Variants in KIAA0825 observed in about 807,000 individuals in gnomAD.
The protein encoded by KIAA0825 is uncharacterized protein KIAA0825.
KIAA0825 carries 119 observed loss-of-function variants against 147.6 expected under a neutral mutation model. The ratio of observed to expected loss-of-function variants is 0.81; its 90% CI spans 0.69 to 0.94. The LOEUF is 0.94. Ranked by LOEUF, KIAA0825 falls within the 40% of genes least tolerant of loss-of-function variation. The pLI, the probability that KIAA0825 is intolerant of heterozygous loss-of-function variation, is 0.00. For missense variants in KIAA0825, 1,381 were observed against 1,472.7 expected, an observed-to-expected ratio of 0.94 and a Z score of 1.02; for synonymous variants, 470 against 518.1, an observed-to-expected ratio of 0.91 and a Z score of 1.26.
At chr5:94,423,243 T>C (rs1194510902) in intron 14 of KIAA0825, among the ~76,000 whole-genome samples, 1 of 152,198 alleles carries the variant, frequency 6.6e-6, no homozygotes, top group Non-Finnish European at 1.5e-5. Flanking sequence ...AGCCACATAT[T>C]TAAGGTCACA....
In KIAA0825 at chr5:94,391,694, A is replaced by G. The variant is rs1190249847; in HGVS notation, c.3297T>C (p.Cys1099=). The G allele has an allele frequency of 6.5e-7, 1 of 1,530,758 alleles. No individual in the cohort carries two copies. Among genetic ancestry groups the G allele is most frequent in the Middle Eastern group, 1.7e-4 (1 of 5,856 alleles). The allele number at this position is 1,530,758 out of a possible 1,614,324, so 94.8% of individuals were successfully genotyped here. A position where few individuals can be genotyped will look rare whatever the true frequency, so the allele number is the denominator to read the frequency against. ...TGCTTTTCTCTATTGTCATAAATGC[A>G]CTAAATACAAAGAAAGCATATACAT... is the stretch of plus-strand genomic sequence containing the variant. ...LLKARKLSTE[C]AFMTIEKSTA... The change falls in exon 18 of 21, where the codon TGT becomes TGC. Residue 1099 remains cysteine, a splice_region_variant and synonymous_variant. Coordinates refer to ENST00000682413, the MANE Select transcript of KIAA0825 (RefSeq NM_001145678.3).
intron 3 of KIAA0825, among the ~76,000 whole-genome samples, chr5:94,525,590 T>G (rs536959235): frequency 1.3e-5 from 2 of 152,082 alleles, no homozygotes; most frequent in East Asian, 3.9e-4. Flanking sequence ...AGCACTTCTA[T>G]GGACAGAGAA....
At chr5:94,196,738 C>A (rs986327287) in intron 20 of KIAA0825, among the ~76,000 whole-genome samples, 5 of 152,096 alleles carry the variant, frequency 3.3e-5, no homozygotes, top group African/African-American at 1.2e-4. Flanking sequence ...TTTGTTCCTG[C>A]ATTAATTTAC....
At chr5:94,463,784 G>T (rs1760123436) in intron 11 of KIAA0825, among the ~76,000 whole-genome samples, 1 of 151,118 alleles carries the variant, frequency 6.6e-6, no homozygotes, top group Non-Finnish European at 1.5e-5. Context: ...TATTTCATGA[G>T]GTAACAGTAA....
intron 10 of KIAA0825, among the ~76,000 whole-genome samples, chr5:94,466,290 C>G (rs1213778533): frequency 6.6e-6 from 1 of 152,114 alleles, no homozygotes; most frequent in Non-Finnish European, 1.5e-5. Context: ...TATTATCTAC[C>G]GACTTTCAAA....
chr5:94,610,761 C>G (rs1428618943), intron 1 of KIAA0825, among the ~76,000 whole-genome samples: 1 of 75,204 alleles, frequency 1.3e-5, no homozygotes, highest in Non-Finnish European at 2.3e-5. Context: ...GAGACTCTAT[C>G]TGCAAAAAAA....
intron 15 of KIAA0825, among the ~76,000 whole-genome samples, chr5:94,412,062 A>G (rs1752839987): frequency 6.6e-6 from 1 of 152,218 alleles, no homozygotes. Context: ...TTTTATCAAT[A>G]TATGTATAAA....
At chr5:94,458,233 T>A (rs571777449) in intron 12 of KIAA0825, among the ~76,000 whole-genome samples, 1 of 152,336 alleles carries the variant, frequency 6.6e-6, no homozygotes, top group South Asian at 2.1e-4. Flanking sequence ...GTGCCTTGAA[T>A]TTCTCATGAT....
At chr5:94,537,487 T>C (rs1772294061) in intron 2 of KIAA0825, among the ~76,000 whole-genome samples, 1 of 151,730 alleles carries the variant, frequency 6.6e-6, no homozygotes, top group South Asian at 2.1e-4. Flanking sequence ...CGGTCTCTAC[T>C]AAATGTACAA....
intron 1 of KIAA0825, among the ~76,000 whole-genome samples, chr5:94,600,629 T>C (rs1339891073): frequency 1.3e-5 from 2 of 152,214 alleles, no homozygotes; most frequent in Non-Finnish European, 2.9e-5. Flanking sequence ...CTCTGTGCTG[T>C]CTGCCATCAC....
intron 20 of KIAA0825, among the ~76,000 whole-genome samples, chr5:94,216,687 A>G (rs1049451896): frequency 3.3e-5 from 5 of 152,178 alleles, no homozygotes; most frequent in Non-Finnish European, 5.9e-5. Context: ...CCACATAGAA[A>G]AGATTCACAA....
intron 20 of KIAA0825, among the ~76,000 whole-genome samples, chr5:94,186,227 G>A (rs900311362): frequency 4.6e-5 from 7 of 152,012 alleles, no homozygotes; most frequent in African/African-American, 1.7e-4. Flanking sequence ...TGTAGTTAAG[G>A]AATTGTGAGT....
intron 20 of KIAA0825, among the ~76,000 whole-genome samples, chr5:94,312,139 G>A (rs1779241194): frequency 6.6e-6 from 1 of 151,566 alleles, no homozygotes; most frequent in African/African-American, 2.4e-5. Flanking sequence ...CAATCAGTGT[G>A]GACTTCTCAA....
At chr5:94,507,459 C>A (rs1471473224) in intron 5 of KIAA0825, among the ~76,000 whole-genome samples, 1 of 151,268 alleles carries the variant, frequency 6.6e-6, no homozygotes, top group Non-Finnish European at 1.5e-5. Flanking sequence ...CCCCCCGCCC[C>A]CCCCAAAAAA....
At chr5:94,223,892 C>T (rs916150148) in intron 20 of KIAA0825, among the ~76,000 whole-genome samples, 28 of 151,936 alleles carry the variant, frequency 1.8e-4, no homozygotes, top group South Asian at 2.1e-4. Context: ...TGGGATTCAT[C>T]GCAACATCTA....
At chr5:94,614,941 A>G (rs1434378932) in intron 1 of KIAA0825, among the ~76,000 whole-genome samples, 2 of 152,186 alleles carry the variant, frequency 1.3e-5, no homozygotes, top group Non-Finnish European at 2.9e-5. Context: ...ATTGTGTATC[A>G]GACAACACGT....
intron 20 of KIAA0825, among the ~76,000 whole-genome samples, chr5:94,232,692 A>T (rs1464263042): frequency 6.6e-6 from 1 of 152,110 alleles, no homozygotes; most frequent in Admixed American, 6.5e-5. Flanking sequence ...TTATCAACTC[A>T]GGATGTTTAT....
chr5:94,560,410 C>T (rs1777338681), intron 2 of KIAA0825, among the ~76,000 whole-genome samples: 1 of 152,174 alleles, frequency 6.6e-6, no homozygotes, highest in Admixed American at 6.5e-5. Context: ...TACAGGATAA[C>T]CATTTACCTA....
At chr5:94,356,040 G>T (rs1351177019) in intron 20 of KIAA0825, among the ~76,000 whole-genome samples, 1 of 152,158 alleles carries the variant, frequency 6.6e-6, no homozygotes, top group Admixed American at 6.5e-5. Flanking sequence ...TGGGGCCCAA[G>T]ATTCTGCCTT....
Sources: allele counts gnomAD v4.1 joint callset (sites outside exome capture counted in the v4.1 genomes callset), GRCh38; gene constraint gnomAD v4.1.1; transcripts MANE v1.5; gene names NCBI Gene and HGNC (gene_info 2026-07-23, HGNC 2026-07-21).